PIBF1: variants seen among roughly 807,000 people sequenced by gnomAD.
PIBF1 encodes the protein progesterone immunomodulatory binding factor 1.
Under a neutral mutation model 112.5 loss-of-function variants are expected in PIBF1, and 90 were observed. The ratio of observed to expected loss-of-function variants is 0.80; its 90% confidence interval spans 0.67 to 0.95. The LOEUF (loss-of-function observed/expected upper bound fraction) is 0.95, where lower values mean the gene tolerates loss of function less well. Among genes scored for constraint, PIBF1 ranks in the 40% least tolerant of loss-of-function variants. The pLI is 0.00. For synonymous variants in PIBF1, 301 were observed against 288.6 expected (o/e 1.04, Z -0.44); for missense variants, 915 against 852.3 (o/e 1.07, Z -0.92).
intron 13 of PIBF1, among the ~76,000 whole-genome samples, chr13:72,930,745 T>TTTA (rs2041672226): frequency 1.3e-5 from 2 of 152,202 alleles, no homozygotes; most frequent in Admixed American, 6.5e-5. Context: ...TAAAGTAAAC[T>TTTA]CTGATACTTC....
At chr13:72,823,027 C>T (rs778349405) in intron 6 of PIBF1, among the ~76,000 whole-genome samples, 6 of 152,054 alleles carry the variant, frequency 3.9e-5, no homozygotes, top group Non-Finnish European at 8.8e-5. Context: ...CCCAGGAATT[C>T]GAGGCTGCAG....
At position 72,982,704 on chromosome 13, in the gene PIBF1, A is replaced by G. The variant is rs147328432; in HGVS notation, c.2049+9029A>G. 1.7e-4 allele frequency among the ~76,000 whole-genome samples: 26 copies of G among 152,304 alleles called. No homozygotes were observed. The East Asian group carries it at 3.9e-3, about 23-fold the overall frequency. ...AACTAATTGTTCTTTTCAATCTTCAATAATATAAAGCTGTCAAATAGAAAG... is the reference window on the plus strand; with the variant it reads ...AACTAATTGTTCTTTTCAATCTTCAGTAATATAAAGCTGTCAAATAGAAAG... On this transcript the variant is annotated intron_variant, in intron 16 of 17. Coordinates refer to ENST00000326291, the MANE Select transcript of PIBF1 (RefSeq NM_006346.4).
chr13:72,835,759 AT>A (rs1438506143), intron 9 of PIBF1, among the ~76,000 whole-genome samples: 1 of 152,224 alleles, frequency 6.6e-6, no homozygotes, highest in Non-Finnish European at 1.5e-5. Flanking sequence ...CATATGCCTC[AT>A]TTAGCTGCTG....
intron 5 of PIBF1, among the ~76,000 whole-genome samples, chr13:72,808,196 A>G (rs2035832548): frequency 6.6e-6 from 1 of 152,188 alleles, no homozygotes; most frequent in East Asian, 1.9e-4. Flanking sequence ...TTTTACTTCT[A>G]GAATTTCAGT....
intron 11 of PIBF1, among the ~76,000 whole-genome samples, chr13:72,903,298 A>G (rs1455628008): frequency 6.6e-6 from 1 of 152,184 alleles, no homozygotes; most frequent in African/African-American, 2.4e-5. Context: ...TTTTAAAAAT[A>G]TGCTTCTAGG....
chr13:72,875,759 G>A (rs1304649572), intron 10 of PIBF1, among the ~76,000 whole-genome samples: 1 of 152,128 alleles, frequency 6.6e-6, no homozygotes, highest in Non-Finnish European at 1.5e-5. Context: ...TGGCTATTAA[G>A]GTCTTTAGCC....
At chr13:72,920,905 A>G (rs1315184152) in intron 13 of PIBF1, among the ~76,000 whole-genome samples, 1 of 152,206 alleles carries the variant, frequency 6.6e-6, no homozygotes, top group Non-Finnish European at 1.5e-5. Flanking sequence ...TTTTCATTGT[A>G]CATCAGCCTA....
intron 12 of PIBF1, among the ~76,000 whole-genome samples, chr13:72,916,697 T>A (rs2041109365): frequency 6.6e-6 from 1 of 152,072 alleles, no homozygotes; most frequent in Non-Finnish European, 1.5e-5. Flanking sequence ...TGTCCTAATT[T>A]AAAAATCATT....
At chr13:72,960,004 T>G (rs1008980291) in intron 14 of PIBF1, among the ~76,000 whole-genome samples, 3 of 152,236 alleles carry the variant, frequency 2.0e-5, no homozygotes, top group African/African-American at 7.2e-5. Flanking sequence ...AATTAAATTC[T>G]AATAAATTAT....
chr13:73,014,770 AGCC>A (rs56388906), intron 17 of PIBF1, among the ~76,000 whole-genome samples: 150,775 of 152,118 alleles, frequency 0.99, 74,738 homozygotes, highest in Middle Eastern at 1. Context: ...AGCTCACTTC[AGCC>A]GCCTTGACCT....
At chr13:72,925,818 A>G (rs2041464949) in intron 13 of PIBF1, among the ~76,000 whole-genome samples, 1 of 152,050 alleles carries the variant, frequency 6.6e-6, no homozygotes, top group South Asian at 2.1e-4. Context: ...CTGGGATTAT[A>G]GGCATGAGCC....
intron 11 of PIBF1, among the ~76,000 whole-genome samples, chr13:72,905,626 G>A (rs1223278791): frequency 6.6e-6 from 1 of 152,138 alleles, no homozygotes; most frequent in African/African-American, 2.4e-5. Flanking sequence ...TCAGGAAAAT[G>A]CTGTAGAGTC....
intron 14 of PIBF1, among the ~76,000 whole-genome samples, chr13:72,937,467 T>C (rs548380734): frequency 5.9e-5 from 9 of 152,310 alleles, no homozygotes; most frequent in African/African-American, 1.4e-4. Flanking sequence ...CTTGTTGTCG[T>C]ACATTTTATT....
At chr13:72,879,816 ATATT>A (rs1313231055) in intron 10 of PIBF1, among the ~76,000 whole-genome samples, 1 of 152,226 alleles carries the variant, frequency 6.6e-6, no homozygotes, top group African/African-American at 2.4e-5. Flanking sequence ...ATAAAAATAA[ATATT>A]TAATGACACA....
chr13:72,952,035 C>CT (rs67211238), intron 14 of PIBF1, among the ~76,000 whole-genome samples: 10,980 of 122,906 alleles, frequency 0.089, 1,430 homozygotes, highest in African/African-American at 0.28. Context: ...TTTCTTTTCT[C>CT]TTTTTTTTTT....
At chr13:72,796,132 T>C (rs1451392967) in intron 4 of PIBF1, among the ~76,000 whole-genome samples, 2 of 152,220 alleles carry the variant, frequency 1.3e-5, no homozygotes, top group Non-Finnish European at 2.9e-5. Flanking sequence ...CTAACAACTT[T>C]TTTAAACACA....
chr13:72,786,110 A>G (rs2034584372), intron 2 of PIBF1, among the ~76,000 whole-genome samples: 1 of 152,248 alleles, frequency 6.6e-6, no homozygotes, highest in South Asian at 2.1e-4. Flanking sequence ...AATGTATGTA[A>G]GCTCATAGAT....
chr13:72,912,904 A>G (rs2040940694), intron 12 of PIBF1, among the ~76,000 whole-genome samples: 1 of 151,456 alleles, frequency 6.6e-6, no homozygotes, highest in African/African-American at 2.4e-5. Context: ...ATATGATTAT[A>G]GTATATGGTA....
At chr13:72,914,422 C>T (rs972914056) in intron 12 of PIBF1, among the ~76,000 whole-genome samples, 11 of 152,052 alleles carry the variant, frequency 7.2e-5, no homozygotes, top group Admixed American at 2.0e-4. Context: ...CAGTTACCTG[C>T]CACACATCCT....
Sources: allele counts gnomAD v4.1 joint callset (sites outside exome capture counted in the v4.1 genomes callset), GRCh38; gene constraint gnomAD v4.1.1; transcripts MANE v1.5; gene names NCBI Gene and HGNC (gene_info 2026-07-23, HGNC 2026-07-21).